Variants in SARS1 observed in about 807,000 individuals in gnomAD.
The protein encoded by SARS1 is serine--tRNA ligase, cytoplasmic.
SARS1 carries 25 observed loss-of-function variants against 63.7 expected under a neutral mutation model. The observed-to-expected ratio is 0.39, with a 90% CI of 0.29 to 0.55. The LOEUF is 0.55. SARS1 is among the 20% of genes least tolerant of loss of function. SARS1 has a pLI of 0.62. For synonymous variants in SARS1, 231 were observed against 243.5 expected (o/e 0.95, Z 0.48); for missense variants, 417 against 649.7 (o/e 0.64, Z 3.89).
chr1:109,236,300 A>G (rs950988193), intron 8 of SARS1, 91 bp from the exon 9 acceptor site: 21 of 1,386,268 alleles, frequency 1.5e-5, no homozygotes, highest in Middle Eastern at 1.9e-4. Flanking sequence ...TGGAGACAGG[A>G]CATGAATTAA....
Position 109,214,030 on chromosome 1 carries a change from G to A in SARS1, c.38G>A (p.Gly13Glu), listed in dbSNP as rs1654728543. ...LDLDLFRVDK[G>E]GDPALIRETQ... The stretch of plus-strand genomic sequence containing the variant: ...CTGGATTTGTTTCGGGTGGATAAAG[G>A]AGGGGACCCAGCCCTCATCCGAGAG... The change falls in exon 1 of 11, where the codon GGA becomes GAA. Residue 13 changes from glycine (G) to glutamate (E), a missense_variant. Coordinates refer to ENST00000234677, the MANE Select transcript of SARS1 (RefSeq NM_006513.4). This position sits in a 1 kb window ranked among gnomAD's most constrained non-coding sequence, Gnocchi z 4.6. 1 of 1,614,014 alleles carries A rather than the reference G, an allele frequency of 6.2e-7. No homozygotes were observed. Among genetic ancestry groups the A allele is most frequent in the Non-Finnish European group, 8.5e-7 (1 of 1,179,954 alleles).
intron 2 of SARS1, 21 bp from the exon 3 acceptor site, chr1:109,228,331 G>C (rs774073675): frequency 6.4e-7 from 1 of 1,570,148 alleles, no homozygotes; most frequent in Admixed American, 1.7e-5. Flanking sequence ...TATTTGTGTT[G>C]GGTTTTTTTC....
Position 109,237,400 on chromosome 1 carries a change from TCTC to T in SARS1, c.1387+31_1387+33del, listed in dbSNP as rs769847039. 1.2e-5 allele frequency: 20 copies of T among 1,614,082 alleles called. No individual in the cohort carries two copies. The highest frequency in any genetic ancestry group is 2.2e-5 in the East Asian group (1 of 44,886). ...TAAAACTCCCAGCTCATCTCATCGT[TCTC>T]CTCTTTTCTGTCTTCACACTCTTCT... On this transcript the variant is annotated intron_variant, in intron 10 of 10. Transcript: ENST00000234677. The surrounding 1 kb of genome is among the most constrained non-coding windows in gnomAD (Gnocchi z 4.1).
intron 1 of SARS1, among the ~76,000 whole-genome samples, chr1:109,218,307 C>T (rs1654840931): frequency 6.8e-6 from 1 of 147,248 alleles, no homozygotes; most frequent in Admixed American, 6.9e-5. Context: ...GCGGAGGTTG[C>T]AGTGAGCTGA....
intron 1 of SARS1, chr1:109,217,126 T>C (rs1026976810): frequency 1.0e-6 from 1 of 985,444 alleles, no homozygotes; most frequent in Non-Finnish European, 1.2e-6. Flanking sequence ...AGAGCAGCAC[T>C]GTCTGATAGG....
At position 109,214,723 on chromosome 1, in the gene SARS1, T is replaced by C; in HGVS notation, c.136+595T>C. On this transcript the variant is annotated intron_variant, in intron 1 of 10. Transcript: ENST00000234677. This position sits in a 1 kb window ranked among gnomAD's most constrained non-coding sequence, Gnocchi z 4.6. ...ATACCTTTAAGAATTAGAAAAGTCT[T>C]TTCCGTGGTAGATCAAACGCGAGGG... The C allele has an allele frequency of 1.0e-6, 1 of 985,486 alleles. No homozygotes were observed. Among genetic ancestry groups the C allele is most frequent in the Middle Eastern group, 5.2e-4 (1 of 1,914 alleles). The allele number at this position is 985,486 out of a possible 1,614,324, so 61.0% of individuals were successfully genotyped here.
intron 2 of SARS1, among the ~76,000 whole-genome samples, chr1:109,224,835 G>A (rs1655030442): frequency 1.3e-5 from 2 of 152,080 alleles, no homozygotes; most frequent in Non-Finnish European, 2.9e-5. Context: ...AGTAGCTCAC[G>A]CCTATAATCC....
chr1:109,219,402 G>A (rs1014993560), intron 1 of SARS1, among the ~76,000 whole-genome samples: 1 of 148,814 alleles, frequency 6.7e-6, no homozygotes, highest in Non-Finnish European at 1.5e-5. Flanking sequence ...CTCCCAGTCA[G>A]CCCCTCCTCC....
At chr1:109,221,749 A>G (rs1654932551) in intron 1 of SARS1, among the ~76,000 whole-genome samples, 1 of 151,950 alleles carries the variant, frequency 6.6e-6, no homozygotes, top group Non-Finnish European at 1.5e-5. Context: ...ATGAAGGGAT[A>G]TACTATATTC....
chr1:109,228,711 C>T lies in SARS1; in HGVS notation c.288+279C>T, dbSNP rs562366202. Among the ~76,000 whole-genome samples the T allele has an allele frequency of 8.1e-4, 124 of 152,194 alleles. 1 individual carries two copies. Among genetic ancestry groups the T allele is most frequent in the Non-Finnish European group, 1.5e-3 (100 of 68,038 alleles). ...TTGGTTTATATAACTCCATATTCTA[C>T]CGTTTGTTACACAAAGGCAAGAAAC... On this transcript the variant is annotated intron_variant, in intron 3 of 10. Coordinates refer to ENST00000234677, the MANE Select transcript of SARS1 (RefSeq NM_006513.4).
intron 1 of SARS1, among the ~76,000 whole-genome samples, chr1:109,218,471 ACT>A (rs1654845747): frequency 6.8e-6 from 1 of 146,108 alleles, no homozygotes. Flanking sequence ...TTAAAGCACC[ACT>A]CTGTTCAGGT....
rs1056748120 is a variant in SARS1, at chr1:109,214,234, C to T, written c.136+106C>T. 17 of 1,363,886 alleles carry T rather than the reference C, an allele frequency of 1.2e-5. No homozygotes were observed. In the Admixed American group the frequency reaches 3.9e-4, roughly 31 times the overall value. 84.5% of individuals were successfully genotyped at this position (1,363,886 alleles called of 1,614,324 possible). On this transcript the variant is annotated intron_variant, in intron 1 of 10. Coordinates refer to ENST00000234677, the MANE Select transcript of SARS1 (RefSeq NM_006513.4). This position sits in a 1 kb window ranked among gnomAD's most constrained non-coding sequence, Gnocchi z 4.6. The stretch of plus-strand genomic sequence containing the variant: ...CACAGCTTCCACCCTTCGTCAGACC[C>T]CCTCCCAGGGTGCGGTGGCTCCGAG...
chr1:109,214,049 C>T lies in SARS1; in HGVS notation c.57C>T (p.Ile19=), dbSNP rs766547515. 49 of 1,614,048 alleles carry T rather than the reference C, an allele frequency of 3.0e-5. No individual in the cohort carries two copies. The highest frequency in any genetic ancestry group is 4.0e-5 in the Non-Finnish European group (47 of 1,180,012). ...ATAAAGGAGGGGACCCAGCCCTCATCCGAGAGACGCAGGAGAAGCGCTTCA... is the reference window on the plus strand; with the variant it reads ...ATAAAGGAGGGGACCCAGCCCTCATTCGAGAGACGCAGGAGAAGCGCTTCA... ...RVDKGGDPAL[I]RETQEKRFKD... is the part of the protein sequence containing the mutation. Residue 19 remains isoleucine (I), a synonymous_variant, in exon 1 of 11, where the codon ATC becomes ATT. Transcript: ENST00000234677. This position sits in a 1 kb window ranked among gnomAD's most constrained non-coding sequence, Gnocchi z 4.6.
intron 1 of SARS1, among the ~76,000 whole-genome samples, chr1:109,223,767 A>G (rs1364095874): frequency 6.6e-6 from 1 of 152,176 alleles, no homozygotes; most frequent in Non-Finnish European, 1.5e-5. Flanking sequence ...TTGCACCATT[A>G]CACTCCAGCC....
In SARS1 at chr1:109,228,340, T is replaced by C. The variant is rs1304597799; in HGVS notation, c.208-12T>C. On this transcript the variant is annotated splice_polypyrimidine_tract_variant and intron_variant, in intron 2 of 10. Coordinates refer to ENST00000234677, the MANE Select transcript of SARS1 (RefSeq NM_006513.4). ...TTTATTTATTTGTGTTGGGTTTTTT[T>C]CCTTCCTGCAGAAAAAAGAGCCAGT... 1.2e-6 allele frequency: 2 copies of C among 1,602,740 alleles called. No individual in the cohort carries two copies. Among genetic ancestry groups the C allele is most frequent in the Non-Finnish European group, 8.5e-7 (1 of 1,174,504 alleles).
chr1:109,222,946 C>T (rs1395223526), intron 1 of SARS1, among the ~76,000 whole-genome samples: 1 of 152,198 alleles, frequency 6.6e-6, no homozygotes, highest in Non-Finnish European at 1.5e-5. Flanking sequence ...GTCCAGAAGG[C>T]AGAGGTTGCA....
intron 2 of SARS1, among the ~76,000 whole-genome samples, chr1:109,226,697 T>TATACACACAC (rs1183766306): frequency 5.8e-5 from 6 of 104,178 alleles, no homozygotes; most frequent in African/African-American, 2.3e-4. Flanking sequence ...TATATATATA[T>TATACACACAC]ACACACACAC....
At position 109,236,007 on chromosome 1, in the gene SARS1, G is replaced by A; in HGVS notation, c.1000G>A (p.Asp334Asn). 1.9e-6 allele frequency: 3 copies of A among 1,613,206 alleles called. No homozygotes were observed. The highest frequency in any genetic ancestry group is 2.5e-6 in the Non-Finnish European group (3 of 1,179,530). ...IEQFVYSSPH[D>N]NKSWEMFEEM... ...ACAGTTTGTGTACTCATCACCCCAT[G>A]ACAACAAGTCATGGGAGATGTTTGA... The change falls in exon 8 of 11, where the codon GAC (aspartate) becomes AAC (asparagine). Residue 334 changes from aspartate to asparagine, a missense_variant. Physicochemically the swap from Asp to Asn is conservative, Grantham distance 23. Around this residue, in one of 3 missense-constraint regions of SARS1, gnomAD observed 359 missense variants for 529.6 expected, o/e 0.68. Coordinates refer to ENST00000234677, the MANE Select transcript of SARS1 (RefSeq NM_006513.4).
At chr1:109,230,495 G>C (rs544574090) in intron 4 of SARS1, among the ~76,000 whole-genome samples, 2 of 152,234 alleles carry the variant, frequency 1.3e-5, no homozygotes, top group African/African-American at 4.8e-5. Context: ...TGGAAAGATG[G>C]AGGTTGTAGA....
Sources: gnomAD v4.1 joint callset for allele counts (sites outside exome capture counted in the v4.1 genomes callset) on GRCh38, gnomAD v4.1.1 for gene constraint, gnomAD v4.1.1 regional missense constraint, Gnocchi (gnomAD v3.1) non-coding constraint, MANE v1.5 for transcripts, NCBI Gene and HGNC (gene_info 2026-07-23, HGNC 2026-07-21) for gene names.